Variants in PCDHA13 observed in about 807,000 individuals in gnomAD.
PCDHA13 encodes protocadherin alpha 13.
PCDHA13 carries 54 observed loss-of-function variants against 64.8 expected under a neutral mutation model. The ratio of observed to expected loss-of-function variants is 0.83; its 90% confidence interval spans 0.67 to 1.04. PCDHA13 has a LOEUF of 1.04. Among genes scored for constraint, PCDHA13 ranks in the 50% least tolerant of loss-of-function variants. The pLI is 0.00. For synonymous variants in PCDHA13, 587 were observed against 564.4 expected (o/e 1.04, Z -0.57); for missense variants, 1,248 against 1,254.3 (o/e 0.99, Z 0.08).
At chr5:140,995,132 A>G (rs2097665905) in intron 3 of PCDHA13, among the ~76,000 whole-genome samples, 1 of 152,222 alleles carries the variant, frequency 6.6e-6, no homozygotes, top group African/African-American at 2.4e-5. Flanking sequence ...CTGAAACCTC[A>G]TTTAGTACTG....
intron 1 of PCDHA13, among the ~76,000 whole-genome samples, chr5:140,958,658 A>T (rs1207660771): frequency 6.6e-6 from 1 of 152,174 alleles, no homozygotes; most frequent in African/African-American, 2.4e-5. Flanking sequence ...GAAAGCTATG[A>T]TGAAATTTTA....
intron 1 of PCDHA13, among the ~76,000 whole-genome samples, chr5:140,940,100 C>T (rs536415343): frequency 6.6e-6 from 1 of 152,094 alleles, no homozygotes; most frequent in South Asian, 2.1e-4. Flanking sequence ...AAACTTTTAG[C>T]GTTATGTATT....
rs1554177749 is a variant in PCDHA13 at position 140,883,345 on chromosome 5, C to T, written c.1077C>T (p.Ile359=). The T allele has an allele frequency of 1.9e-6, 3 of 1,614,050 alleles. No homozygotes were observed. In the African/African-American group the frequency reaches 4.0e-5, roughly 22 times the overall value. The change falls in exon 1 of 4, where the codon ATC becomes ATT. Residue 359 remains isoleucine (I), a synonymous_variant. Transcript: ENST00000289272. ...EVTITSLSLP[I]REDTQPSAII... is the part of the protein sequence containing the mutation. ...CCATCACTTCTTTGTCACTCCCCAT[C>T]AGAGAAGACACTCAGCCTAGCGCCA...
At chr5:140,950,429 T>TGTA (rs1554219455) in intron 1 of PCDHA13, among the ~76,000 whole-genome samples, 5 of 151,900 alleles carry the variant, frequency 3.3e-5, no homozygotes, top group African/African-American at 1.2e-4. Flanking sequence ...TTCTTCCACT[T>TGTA]AAAAAAAATG....
chr5:140,967,636 T>G, intron 1 of PCDHA13: 2 of 1,614,138 alleles, frequency 1.2e-6, no homozygotes, highest in Non-Finnish European at 1.7e-6. Context: ...GCTCCAATGG[T>G]GAGCTCAGGT....
rs1351628380 is a variant in PCDHA13, at chr5:140,928,607, G to A, written c.2394+43945G>A. ...TCTGTCCCAGTGGAAATTGTGCCCC[G>A]CTCTGCCAGGACTGGACACTTGGTC... On this transcript the variant is annotated intron_variant, in intron 1 of 3. Coordinates refer to ENST00000289272, the MANE Select transcript of PCDHA13 (RefSeq NM_018904.3). 3.1e-6 allele frequency: 5 copies of A among 1,614,068 alleles called. No homozygotes were observed. In the South Asian group the frequency reaches 3.3e-5, roughly 11 times the overall value.
At chr5:140,885,236 T>C (rs2060525853) in intron 1 of PCDHA13, among the ~76,000 whole-genome samples, 1 of 152,166 alleles carries the variant, frequency 6.6e-6, no homozygotes, top group Non-Finnish European at 1.5e-5. Context: ...CTGCTTTCAA[T>C]TTTTTATTTG....
chr5:140,997,100 T>G (rs1286807919), intron 3 of PCDHA13, among the ~76,000 whole-genome samples: 1 of 152,170 alleles, frequency 6.6e-6, no homozygotes, highest in Non-Finnish European at 1.5e-5. Flanking sequence ...AGAGTTCTCA[T>G]GCACTCCTGC....
At chr5:140,910,935 C>T (rs192394348) in intron 1 of PCDHA13, among the ~76,000 whole-genome samples, 4 of 152,192 alleles carry the variant, frequency 2.6e-5, no homozygotes, top group African/African-American at 9.6e-5. Context: ...TAAGAAAGCT[C>T]AAGCAGTTCT....
intron 1 of PCDHA13, among the ~76,000 whole-genome samples, chr5:140,965,905 G>A (rs76116187): frequency 0.016 from 2,504 of 152,338 alleles, 69 homozygotes; most frequent in African/African-American, 0.056. Context: ...TGGATCCCAG[G>A]ATGCTGGTTT....
At chr5:140,925,072 G>C (rs921580794) in intron 1 of PCDHA13, among the ~76,000 whole-genome samples, 1 of 149,184 alleles carries the variant, frequency 6.7e-6, no homozygotes, top group Non-Finnish European at 1.5e-5. Context: ...AAAGCAACAC[G>C]CTCATCTGGA....
intron 1 of PCDHA13, among the ~76,000 whole-genome samples, chr5:140,898,022 T>A (rs1235447722): frequency 6.6e-6 from 1 of 152,202 alleles, no homozygotes; most frequent in Non-Finnish European, 1.5e-5. Flanking sequence ...CTTTGCCCAC[T>A]TTTTGATGGG....
chr5:140,916,193 C>T lies in PCDHA13; in HGVS notation c.2394+31531C>T, dbSNP rs536117096. On this transcript the variant is annotated intron_variant, in intron 1 of 3. Transcript: ENST00000289272. ...CTGGGACTCTTCAAGGAAGTGGGCACCCCTCTGCCCTGGGGAAGATCCAAA... is the reference window on the plus strand; with the variant it reads ...CTGGGACTCTTCAAGGAAGTGGGCATCCCTCTGCCCTGGGGAAGATCCAAA... 1.6e-4 allele frequency among the ~76,000 whole-genome samples: 25 copies of T among 152,256 alleles called. No individual in the cohort carries two copies. In the South Asian group the frequency reaches 5.0e-3, roughly 30 times the overall value.
intron 1 of PCDHA13, among the ~76,000 whole-genome samples, chr5:140,889,040 A>G (rs1313734637): frequency 4.6e-5 from 7 of 152,094 alleles, no homozygotes; most frequent in African/African-American, 1.4e-4. Context: ...TAATTTGATT[A>G]TAATTTATAA....
intron 3 of PCDHA13, among the ~76,000 whole-genome samples, chr5:140,995,409 A>G (rs1056120944): frequency 2.6e-4 from 39 of 152,210 alleles, no homozygotes; most frequent in Admixed American, 6.5e-5. Flanking sequence ...TCGAGATTTC[A>G]TCACATTACT....
chr5:140,951,667 C>A (rs180768474), intron 1 of PCDHA13, among the ~76,000 whole-genome samples: 10 of 152,274 alleles, frequency 6.6e-5, no homozygotes, highest in African/African-American at 2.4e-4. Context: ...GGCCTGCCTA[C>A]AAAATTGGGG....
chr5:140,943,737 C>T (rs551964655), intron 1 of PCDHA13, among the ~76,000 whole-genome samples: 12 of 152,258 alleles, frequency 7.9e-5, no homozygotes, highest in African/African-American at 2.9e-4. Context: ...TGAAAGTCCA[C>T]AGTCTAAAAG....
At chr5:140,947,134 A>T in intron 1 of PCDHA13, among the ~76,000 whole-genome samples, 1 of 151,648 alleles carries the variant, frequency 6.6e-6, no homozygotes, top group Admixed American at 6.6e-5. Context: ...AAAAATAGTA[A>T]AATGTATAGT....
intron 1 of PCDHA13, chr5:140,926,801 C>T: frequency 1.4e-6 from 2 of 1,451,506 alleles, no homozygotes; most frequent in Non-Finnish European, 9.0e-7. Flanking sequence ...GCGTGCTCTT[C>T]CCCGCGGCTC....
Sources: allele counts gnomAD v4.1 joint callset (sites outside exome capture counted in the v4.1 genomes callset), GRCh38; gene constraint gnomAD v4.1.1; transcripts MANE v1.5; gene names NCBI Gene and HGNC (gene_info 2026-07-23, HGNC 2026-07-21).